PTPRM: variants seen among roughly 807,000 people sequenced by gnomAD.
PTPRM encodes the protein protein tyrosine phosphatase receptor type M.
Under a neutral mutation model 186.7 loss-of-function variants are expected in PTPRM, and 47 were observed. That is an observed-to-expected ratio of 0.25 (90% CI 0.20 to 0.32). PTPRM has a LOEUF of 0.32. Among genes scored for constraint, PTPRM ranks in the 10% least tolerant of loss-of-function variants. The pLI, the probability that PTPRM is intolerant of heterozygous loss-of-function variation, is 1.00. For missense variants in PTPRM, 1,494 were observed against 1,865.0 expected (o/e 0.80, Z 3.66); for synonymous variants, 668 against 674.9 (o/e 0.99, Z 0.16).
intron 13 of PTPRM, among the ~76,000 whole-genome samples, chr18:8,123,371 A>G (rs2092241992): frequency 1.3e-5 from 2 of 152,210 alleles, no homozygotes; most frequent in Admixed American, 1.3e-4. Context: ...AGCTTAACTC[A>G]TGGTAGTAAA....
rs1259778081 is a variant in PTPRM at position 8,384,605 on chromosome 18, C to G, written c.3963C>G (p.Gly1321=). ...YWPENGVHRH[G]PIQVEFVSAD... ...CAGAAAACGGAGTACACAGACACGG[C>G]CCCATCCAGGTGGAATTTGTCTCTG... Residue 1321 remains glycine (G), a synonymous_variant, in exon 30 of 33, where the codon GGC becomes GGG. Coordinates refer to ENST00000580170, the MANE Select transcript of PTPRM (RefSeq NM_001105244.2). The G allele has an allele frequency of 1.2e-6, 2 of 1,614,012 alleles. No homozygotes were observed. Among genetic ancestry groups the G allele is most frequent in the Admixed American group, 1.7e-5 (1 of 60,004 alleles).
chr18:8,307,888 A>C (rs2095238706), intron 20 of PTPRM, among the ~76,000 whole-genome samples: 1 of 152,204 alleles, frequency 6.6e-6, no homozygotes, highest in Non-Finnish European at 1.5e-5. Flanking sequence ...AAGGGAACTC[A>C]CCATCTCAGG....
At chr18:7,790,380 A>T (rs1026273662) in intron 2 of PTPRM, among the ~76,000 whole-genome samples, 1 of 152,164 alleles carries the variant, frequency 6.6e-6, no homozygotes, top group Admixed American at 6.5e-5. Context: ...CCATGTTTTG[A>T]TTCAGAGTAA....
intron 7 of PTPRM, among the ~76,000 whole-genome samples, chr18:7,998,664 T>A (rs563777970): frequency 1.7e-3 from 265 of 152,244 alleles, no homozygotes; most frequent in African/African-American, 5.2e-3. Flanking sequence ...CATTTTTTTT[T>A]ATGTTTTTTT....
chr18:8,376,607 C>T lies in PTPRM; in HGVS notation c.3462+10C>T, dbSNP rs754892580. On this transcript the variant is annotated intron_variant, in intron 26 of 32. Transcript: ENST00000580170. Reference sequence around the variant, plus strand: ...CATGGTGCAAACAGAGGTACTCCCGCTCATCACCTAGCCTGGGGCCTTGGT... The same window carrying T: ...CATGGTGCAAACAGAGGTACTCCCGTTCATCACCTAGCCTGGGGCCTTGGT... 1.2e-6 allele frequency: 2 copies of T among 1,608,556 alleles called. No individual in the cohort carries two copies. The highest frequency in any genetic ancestry group is 1.7e-6 in the Non-Finnish European group (2 of 1,177,448).
At chr18:7,644,889 A>G (rs1048941250) in intron 1 of PTPRM, among the ~76,000 whole-genome samples, 5 of 152,156 alleles carry the variant, frequency 3.3e-5, no homozygotes, top group African/African-American at 1.2e-4. Flanking sequence ...TGCAATTTTC[A>G]TTTTGAAACG....
Position 8,289,022 on chromosome 18 carries a change from A to G in PTPRM, c.2755-7346A>G, listed in dbSNP as rs530519103. ...TTCAGAGTGCCACATGCACAGTGCA[A>G]TGCATCAGGCACAAAGCCACAGGTT... On this transcript the variant is annotated intron_variant, in intron 19 of 32. Coordinates refer to ENST00000580170, the MANE Select transcript of PTPRM (RefSeq NM_001105244.2). Among the ~76,000 whole-genome samples the G allele has an allele frequency of 4.7e-4, 71 of 152,204 alleles. 1 individual carries two copies. Among genetic ancestry groups the G allele is most frequent in the South Asian group, 2.9e-3 (14 of 4,818 alleles).
intron 1 of PTPRM, among the ~76,000 whole-genome samples, chr18:7,640,580 A>G (rs1375027705): frequency 1.3e-5 from 2 of 152,078 alleles, no homozygotes; most frequent in African/African-American, 4.8e-5. Flanking sequence ...GGAGTTGGGT[A>G]TTATAACTTT....
At chr18:8,218,410 G>C (rs2094114848) in intron 14 of PTPRM, among the ~76,000 whole-genome samples, 1 of 152,152 alleles carries the variant, frequency 6.6e-6, no homozygotes, top group Admixed American at 6.5e-5. Flanking sequence ...GGCCTTTCTT[G>C]CAGCAAGCAA....
intron 22 of PTPRM, among the ~76,000 whole-genome samples, 193 bp from the exon 23 acceptor site, chr18:8,343,230 A>C (rs2095485229): frequency 6.6e-6 from 1 of 152,258 alleles, no homozygotes; most frequent in South Asian, 2.1e-4. Context: ...TCAGCGACAA[A>C]TGACAAATTT....
chr18:8,057,616 A>T (rs2088120321), intron 7 of PTPRM, among the ~76,000 whole-genome samples: 1 of 84,104 alleles, frequency 1.2e-5, no homozygotes, highest in Non-Finnish European at 2.2e-5. Flanking sequence ...CCCCCACCCC[A>T]CCACAGTCCC....
intron 7 of PTPRM, among the ~76,000 whole-genome samples, chr18:7,976,564 C>A (rs2054957922): frequency 6.6e-6 from 1 of 151,876 alleles, no homozygotes; most frequent in Non-Finnish European, 1.5e-5. Flanking sequence ...TCGTGCCATG[C>A]AATTTTGCTG....
At chr18:8,280,216 G>C (rs548818654) in intron 19 of PTPRM, among the ~76,000 whole-genome samples, 2 of 152,052 alleles carry the variant, frequency 1.3e-5, no homozygotes, top group Non-Finnish European at 2.9e-5. Flanking sequence ...AGTTCTGCAC[G>C]CATGCCCCAG....
At chr18:7,912,803 G>T (rs1350958939) in intron 4 of PTPRM, among the ~76,000 whole-genome samples, 1 of 152,128 alleles carries the variant, frequency 6.6e-6, no homozygotes, top group Non-Finnish European at 1.5e-5. Flanking sequence ...ACAGGCATGA[G>T]CCACTGCGCC....
chr18:7,694,577 C>T (rs1013747600), intron 1 of PTPRM, among the ~76,000 whole-genome samples: 2 of 151,950 alleles, frequency 1.3e-5, no homozygotes, highest in African/African-American at 4.8e-5. Flanking sequence ...CAGGTACCCA[C>T]CACCATGCCT....
intron 10 of PTPRM, among the ~76,000 whole-genome samples, chr18:8,086,402 A>G (rs1193058313): frequency 6.6e-6 from 1 of 152,120 alleles, no homozygotes; most frequent in Non-Finnish European, 1.5e-5. Context: ...CAAAAGACGT[A>G]ATTTGAGAAA....
At chr18:8,352,389 C>T (rs562637986) in intron 23 of PTPRM, among the ~76,000 whole-genome samples, 47 of 152,162 alleles carry the variant, frequency 3.1e-4, no homozygotes, top group Non-Finnish European at 3.8e-4. Flanking sequence ...TCCCATCAAC[C>T]AAACAGTGAA....
rs573700047 is a variant in PTPRM at position 8,340,017 on chromosome 18, G to A, written c.2957-3406G>A. ...ACCCCACAAAAAACAGGATTTGAAT[G>A]AACATTTGGAAAAATGCCTGGAATC... On this transcript the variant is annotated intron_variant, in intron 22 of 32. Transcript: ENST00000580170. Among the ~76,000 whole-genome samples the A allele has an allele frequency of 9.9e-5, 15 of 152,050 alleles. No homozygotes were observed. The East Asian group carries it at 2.9e-3, about 29-fold the overall frequency.
At chr18:8,331,457 G>T (rs2095411934) in intron 22 of PTPRM, among the ~76,000 whole-genome samples, 1 of 152,196 alleles carries the variant, frequency 6.6e-6, no homozygotes, top group Admixed American at 6.5e-5. Flanking sequence ...ACTAAAAGAA[G>T]ATAGGCAGAA....
Sources: gnomAD v4.1 joint callset for allele counts (sites outside exome capture counted in the v4.1 genomes callset) on GRCh38, gnomAD v4.1.1 for gene constraint, MANE v1.5 for transcripts, NCBI Gene and HGNC (gene_info 2026-07-23, HGNC 2026-07-21) for gene names.